WDR7: variants seen among roughly 807,000 people sequenced by gnomAD.
The protein encoded by WDR7 is WD repeat domain 7, also known as WD repeat-containing protein 7.
A neutral mutation model predicts 169.4 loss-of-function variants in WDR7; 46 were observed. The ratio of observed to expected loss-of-function variants is 0.27; its 90% CI spans 0.21 to 0.35. The LOEUF is 0.35. WDR7 is among the 10% of genes least tolerant of loss of function. The pLI is 1.00. For synonymous variants in WDR7, 612 were observed against 666.8 expected (o/e 0.92, Z 1.27); for missense variants, 1,534 against 1,859.3 (o/e 0.83, Z 3.22).
Position 56,727,031 on chromosome 18 carries a change from G to A in WDR7, c.1775-4352G>A, listed in dbSNP as rs949234174. 7.2e-5 allele frequency among the ~76,000 whole-genome samples: 11 copies of A among 152,100 alleles called. No individual in the cohort carries two copies. The East Asian group carries it at 2.1e-3, about 29-fold the overall frequency. ...CTGGTAGTCTATTCTGCAAACTCTA[G>A]CTGCCTGTACTCTAAGCTATCTGTC... On this transcript the variant is annotated intron_variant, in intron 13 of 27. Coordinates refer to ENST00000254442, the MANE Select transcript of WDR7 (RefSeq NM_015285.3).
At chr18:56,732,477 G>C (rs1299589032) in intron 14 of WDR7, among the ~76,000 whole-genome samples, 1 of 152,140 alleles carries the variant, frequency 6.6e-6, no homozygotes, top group Admixed American at 6.5e-5. Context: ...AAATAGTAAA[G>C]GGGTTGAAAG....
At chr18:57,000,173 C>G (rs1026022545) in intron 26 of WDR7, among the ~76,000 whole-genome samples, 8 of 152,122 alleles carry the variant, frequency 5.3e-5, no homozygotes, top group Non-Finnish European at 8.8e-5. Context: ...TAATCCTTCC[C>G]TTTATGAAGT....
At chr18:56,854,667 G>A (rs920002457) in intron 20 of WDR7, among the ~76,000 whole-genome samples, 1 of 152,164 alleles carries the variant, frequency 6.6e-6, no homozygotes, top group East Asian at 1.9e-4. Context: ...TTTCTATGTA[G>A]CGTTTTTTCC....
chr18:57,002,610 C>T (rs976726921), intron 26 of WDR7, among the ~76,000 whole-genome samples: 1 of 152,192 alleles, frequency 6.6e-6, no homozygotes, highest in Non-Finnish European at 1.5e-5. Context: ...AACTTGTTGG[C>T]TGTCACATTT....
chr18:56,980,647 G>A (rs1229164344), intron 26 of WDR7, among the ~76,000 whole-genome samples: 1 of 152,198 alleles, frequency 6.6e-6, no homozygotes, highest in Non-Finnish European at 1.5e-5. Flanking sequence ...TATGCAACAG[G>A]GAGAACTAAA....
intron 20 of WDR7, 123 bp from the exon 21 acceptor site, chr18:56,879,821 T>A: frequency 1.4e-6 from 1 of 727,070 alleles, no homozygotes; most frequent in Non-Finnish European, 2.3e-6. Flanking sequence ...TAACCATTTG[T>A]CCTAGTGCCA....
chr18:57,033,046 CATT>C (rs907682980), downstream of WDR7: 1 of 151,558 alleles, frequency 6.6e-6, no homozygotes, highest in African/African-American at 2.4e-5. Context: ...GGCAATGAAA[CATT>C]ATTTGTATTC....
intron 12 of WDR7, among the ~76,000 whole-genome samples, chr18:56,715,615 C>G (rs960906603): frequency 1.3e-5 from 2 of 152,052 alleles, no homozygotes; most frequent in Non-Finnish European, 2.9e-5. Context: ...AGGCGGATTG[C>G]TTGAGCCCAG....
intron 20 of WDR7, among the ~76,000 whole-genome samples, chr18:56,860,133 C>T (rs2045782000): frequency 6.6e-6 from 1 of 152,098 alleles, no homozygotes; most frequent in Admixed American, 6.5e-5. Context: ...ATTCCCAAGC[C>T]CATCGCCTCT....
downstream of WDR7, chr18:57,031,141 G>A (rs1254298211): frequency 6.6e-6 from 1 of 152,104 alleles, no homozygotes; most frequent in Non-Finnish European, 1.5e-5. Flanking sequence ...TAACATCTCA[G>A]AATTTGGTTT....
At chr18:56,662,881 A>T (rs577033703) in intron 1 of WDR7, among the ~76,000 whole-genome samples, 48 of 152,334 alleles carry the variant, frequency 3.2e-4, no homozygotes, top group African/African-American at 1.1e-3. Flanking sequence ...ATCATTCTAG[A>T]ACTAAAGAGA....
At chr18:56,826,070 T>C (rs1027359474) in intron 20 of WDR7, among the ~76,000 whole-genome samples, 1 of 152,168 alleles carries the variant, frequency 6.6e-6, no homozygotes, top group African/African-American at 2.4e-5. Context: ...GGAGGGCAGG[T>C]GGGTGGTAGA....
intron 25 of WDR7, among the ~76,000 whole-genome samples, chr18:56,960,426 G>A (rs757267221): frequency 5.3e-5 from 8 of 152,078 alleles, no homozygotes; most frequent in Non-Finnish European, 1.0e-4. Context: ...AAGGATGTTG[G>A]CAATATAGTT....
chr18:56,845,856 C>T (rs917021279), intron 20 of WDR7, among the ~76,000 whole-genome samples: 6 of 152,054 alleles, frequency 3.9e-5, no homozygotes, highest in African/African-American at 1.4e-4. Context: ...ATTAGTCCTA[C>T]TAAAATTGAA....
chr18:56,672,390 C>T (rs954777736), intron 1 of WDR7, 107 bp from the exon 2 acceptor site: 26 of 718,296 alleles, frequency 3.6e-5, no homozygotes, highest in Admixed American at 1.3e-4. Context: ...GTAATTCACT[C>T]CCAGGAATAT....
intron 19 of WDR7, among the ~76,000 whole-genome samples, chr18:56,792,967 A>G (rs2145123538): frequency 6.6e-6 from 1 of 152,292 alleles, no homozygotes; most frequent in South Asian, 2.1e-4. Context: ...TATTCTTGCT[A>G]CTTCTCCAGA....
chr18:56,777,143 A>G (rs923065752), intron 17 of WDR7, among the ~76,000 whole-genome samples: 1 of 152,214 alleles, frequency 6.6e-6, no homozygotes, highest in African/African-American at 2.4e-5. Flanking sequence ...AAAGTCAGTG[A>G]TAAAGGTGGA....
rs537516664 is a variant in WDR7, at chr18:56,884,368, A to T, written c.3526+4203A>T. Among the ~76,000 whole-genome samples, 3 of 151,888 alleles carry T rather than the reference A, an allele frequency of 2.0e-5. No individual in the cohort carries two copies. In the East Asian group the frequency reaches 5.8e-4, roughly 29 times the overall value. On this transcript the variant is annotated intron_variant, in intron 21 of 27. Coordinates refer to ENST00000254442, the MANE Select transcript of WDR7 (RefSeq NM_015285.3). Reference sequence around the variant, plus strand: ...TTGATGGGATTGTTTGTTCTTACTGATTTGTTTGAGTTCCTTGTAGTTTCT... The same window carrying T: ...TTGATGGGATTGTTTGTTCTTACTGTTTTGTTTGAGTTCCTTGTAGTTTCT...
At chr18:56,841,662 C>G (rs1209410157) in intron 20 of WDR7, among the ~76,000 whole-genome samples, 2 of 152,018 alleles carry the variant, frequency 1.3e-5, no homozygotes, top group African/African-American at 4.8e-5. Context: ...AGTTACATAA[C>G]TCTGTTGAAT....
Sources: gnomAD v4.1 joint callset for allele counts (sites outside exome capture counted in the v4.1 genomes callset) on GRCh38, gnomAD v4.1.1 for gene constraint, MANE v1.5 for transcripts, NCBI Gene and HGNC (gene_info 2026-07-23, HGNC 2026-07-21) for gene names.